Variants in CTNNA3 observed in about 807,000 individuals in gnomAD.
CTNNA3 encodes the protein catenin alpha-3.
A neutral mutation model predicts 95.7 loss-of-function variants in CTNNA3; 76 were observed. The ratio of observed to expected loss-of-function variants is 0.79; its 90% confidence interval spans 0.66 to 0.96. The LOEUF is 0.96. Among genes scored for constraint, CTNNA3 ranks in the 40% least tolerant of loss-of-function variants. CTNNA3 has a pLI of 0.00. For synonymous variants in CTNNA3, 431 were observed against 374.4 expected (o/e 1.15, Z -1.74); for missense variants, 1,191 against 1,089.8 (o/e 1.09, Z -1.31).
At chr10:66,107,812 G>GA (rs1362620855) in intron 13 of CTNNA3, among the ~76,000 whole-genome samples, 3 of 151,164 alleles carry the variant, frequency 2.0e-5, no homozygotes, top group Admixed American at 6.6e-5. Flanking sequence ...AAAGAAGAGA[G>GA]AAAAAAACAC....
At chr10:66,321,539 T>C (rs756843748) in intron 12 of CTNNA3, among the ~76,000 whole-genome samples, 6 of 152,144 alleles carry the variant, frequency 3.9e-5, no homozygotes, top group Non-Finnish European at 8.8e-5. Context: ...ATTCCACTTA[T>C]TATTTCCTTT....
At chr10:67,648,818 T>C (rs1055994566) in intron 1 of CTNNA3, 7 of 1,286,446 alleles carry the variant, frequency 5.4e-6, no homozygotes, top group Non-Finnish European at 7.1e-6. Context: ...GCGATTCAGC[T>C]GCAATGTAAG....
At chr10:67,327,077 C>G (rs1841568494) in intron 5 of CTNNA3, among the ~76,000 whole-genome samples, 1 of 152,154 alleles carries the variant, frequency 6.6e-6, no homozygotes, top group South Asian at 2.1e-4. Flanking sequence ...TCTATCAGGT[C>G]AATTAGATTC....
chr10:66,765,144 G>A (rs1241123547), intron 9 of CTNNA3, among the ~76,000 whole-genome samples: 1 of 152,162 alleles, frequency 6.6e-6, no homozygotes, highest in African/African-American at 2.4e-5. Context: ...TTCTAGTTCT[G>A]GAGATTGAGA....
intron 9 of CTNNA3, among the ~76,000 whole-genome samples, chr10:66,651,650 G>A (rs1845904279): frequency 6.6e-6 from 1 of 151,824 alleles, no homozygotes; most frequent in African/African-American, 2.4e-5. Flanking sequence ...CCAGCGCAGT[G>A]CCCGCCGGCC....
chr10:66,806,796 G>GTGTGTA (rs1378569580), intron 7 of CTNNA3, among the ~76,000 whole-genome samples: 10 of 135,502 alleles, frequency 7.4e-5, no homozygotes, highest in Admixed American at 6.1e-4. Context: ...GTGTGTGTGT[G>GTGTGTA]TATACATATA....
intron 13 of CTNNA3, among the ~76,000 whole-genome samples, chr10:66,254,484 C>G (rs911594134): frequency 1.3e-5 from 2 of 152,174 alleles, no homozygotes; most frequent in Non-Finnish European, 2.9e-5. Flanking sequence ...ATAAAAACCC[C>G]TAAGGAAAAT....
intron 13 of CTNNA3, among the ~76,000 whole-genome samples, chr10:66,124,848 A>T (rs1173403107): frequency 6.6e-6 from 1 of 151,936 alleles, no homozygotes; most frequent in Non-Finnish European, 1.5e-5. Flanking sequence ...TAATTCCATC[A>T]CCTCCCACTA....
At chr10:66,422,754 T>A (rs2093206314) in intron 11 of CTNNA3, among the ~76,000 whole-genome samples, 1 of 152,048 alleles carries the variant, frequency 6.6e-6, no homozygotes, top group African/African-American at 2.4e-5. Context: ...TTTTTTTTTC[T>A]TTTTTTCTTG....
chr10:66,248,931 A>C (rs1911470), intron 13 of CTNNA3, among the ~76,000 whole-genome samples: 1 of 152,032 alleles, frequency 6.6e-6, no homozygotes, highest in Non-Finnish European at 1.5e-5. Flanking sequence ...CAAAATAGCA[A>C]GGTGCTGGCA....
chr10:65,961,199 A>G (rs773784843), intron 17 of CTNNA3, among the ~76,000 whole-genome samples: 1 of 152,110 alleles, frequency 6.6e-6, no homozygotes, highest in Non-Finnish European at 1.5e-5. Flanking sequence ...CTGACCCTCA[A>G]GTATCTCTTT....
chr10:66,553,098 C>T (rs1157163417), intron 10 of CTNNA3, among the ~76,000 whole-genome samples: 1 of 151,964 alleles, frequency 6.6e-6, no homozygotes, highest in South Asian at 2.1e-4. Flanking sequence ...TAGCAGTATA[C>T]TGGTATTTAA....
At chr10:67,688,114 G>T (rs1840768884) in intron 1 of CTNNA3, among the ~76,000 whole-genome samples, 1 of 152,148 alleles carries the variant, frequency 6.6e-6, no homozygotes, top group Admixed American at 6.5e-5. Context: ...TCAAAGGTTT[G>T]CCCTAGACCC....
intron 9 of CTNNA3, among the ~76,000 whole-genome samples, chr10:66,678,172 A>C (rs893059277): frequency 1.3e-5 from 2 of 152,184 alleles, no homozygotes; most frequent in Non-Finnish European, 2.9e-5. Flanking sequence ...TTCCCTGAAC[A>C]ACAAGGATAA....
At chr10:67,062,490 C>A (rs1461009884) in intron 7 of CTNNA3, among the ~76,000 whole-genome samples, 2 of 152,072 alleles carry the variant, frequency 1.3e-5, no homozygotes, top group Non-Finnish European at 2.9e-5. Flanking sequence ...TTCAATATTT[C>A]TCTAGCCATT....
At chr10:67,282,892 A>ATC (rs1189261111) in intron 5 of CTNNA3, among the ~76,000 whole-genome samples, 1 of 152,160 alleles carries the variant, frequency 6.6e-6, no homozygotes, top group Non-Finnish European at 1.5e-5. Context: ...GAAAACTAGA[A>ATC]TCTCTCTTCC....
intron 5 of CTNNA3, among the ~76,000 whole-genome samples, chr10:67,404,243 TA>T (rs1488564821): frequency 1.3e-5 from 2 of 151,848 alleles, no homozygotes; most frequent in Non-Finnish European, 1.5e-5. Context: ...AATGTGGATC[TA>T]AAAAATGAAC....
intron 5 of CTNNA3, among the ~76,000 whole-genome samples, chr10:67,507,327 A>C (rs1234573589): frequency 6.6e-6 from 1 of 152,110 alleles, no homozygotes; most frequent in Non-Finnish European, 1.5e-5. Flanking sequence ...CAGCAGTTCA[A>C]GACTAGCCTG....
At chr10:66,266,812 A>G (rs1180762065) in intron 13 of CTNNA3, among the ~76,000 whole-genome samples, 1 of 152,076 alleles carries the variant, frequency 6.6e-6, no homozygotes, top group Non-Finnish European at 1.5e-5. Context: ...TAGTATCATT[A>G]TTAGTATTAC....
Sources: gnomAD v4.1 joint callset for allele counts (sites outside exome capture counted in the v4.1 genomes callset) on GRCh38, gnomAD v4.1.1 for gene constraint, MANE v1.5 for transcripts, NCBI Gene and HGNC (gene_info 2026-07-23, HGNC 2026-07-21) for gene names.